Variants in PCED1B observed in about 807,000 individuals in gnomAD.
PCED1B encodes the protein PC-esterase domain-containing protein 1B.
For missense variants in PCED1B, 573 were observed against 573.9 expected, an observed-to-expected ratio of 1.00 and a Z score of 0.02; for synonymous variants, 251 against 246.1, an observed-to-expected ratio of 1.02 and a Z score of -0.19.
At chr12:47,210,536 C>T (rs1943044927) in intron 2 of PCED1B, 1 of 152,158 alleles carries the variant, frequency 6.6e-6, no homozygotes, top group African/African-American at 2.4e-5. Flanking sequence ...GAGGCTGAAG[C>T]AGGTAGATCA....
At position 47,085,186 on chromosome 12, in the gene PCED1B, C is replaced by T. The variant is rs576103883; in HGVS notation, c.-609+5461C>T. 6.6e-4 allele frequency among the ~76,000 whole-genome samples: 100 copies of T among 152,304 alleles called. 2 individuals are homozygous for T. Among genetic ancestry groups the T allele is most frequent in the African/African-American group, 2.2e-3 (92 of 41,568 alleles). On this transcript the variant is annotated intron_variant, in intron 1 of 3. Transcript: ENST00000546455. ...ACCCATTTAACCTCTCCAGGAACCT[C>T]AAGAGTTAATTGAGGATGTAACAAT...
At chr12:47,144,209 G>T (rs4768776) in intron 2 of PCED1B, among the ~76,000 whole-genome samples, 1 of 151,970 alleles carries the variant, frequency 6.6e-6, no homozygotes, top group Non-Finnish European at 1.5e-5. Flanking sequence ...CACAGCTAAG[G>T]CAGCCGAGGA....
At chr12:47,086,689 G>A (rs904369060) in intron 1 of PCED1B, among the ~76,000 whole-genome samples, 1 of 152,114 alleles carries the variant, frequency 6.6e-6, no homozygotes, top group Non-Finnish European at 1.5e-5. Flanking sequence ...TAAATGGCAG[G>A]TGCTCTAGTT....
chr12:47,204,877 C>G (rs150266561), intron 2 of PCED1B, among the ~76,000 whole-genome samples: 6 of 152,088 alleles, frequency 3.9e-5, no homozygotes. Context: ...CAGTTGCCTC[C>G]GTAATCATTT....
chr12:47,119,962 T>C (rs1939604653), intron 2 of PCED1B, among the ~76,000 whole-genome samples: 1 of 132,630 alleles, frequency 7.5e-6, no homozygotes, highest in Non-Finnish European at 1.6e-5. Flanking sequence ...TGAGACTCTG[T>C]CTCCATAATA....
In PCED1B at chr12:47,236,524, A is replaced by T; in HGVS notation, c.*162A>T. The T allele has an allele frequency of 1.4e-6, 1 of 737,680 alleles. No individual in the cohort carries two copies. Among genetic ancestry groups the T allele is most frequent in the East Asian group, 2.9e-5 (1 of 34,234 alleles). The allele number at this position is 737,680 out of a possible 1,614,324, so 45.7% of individuals were successfully genotyped here. A position where few individuals can be genotyped will look rare whatever the true frequency, so the allele number is the denominator to read the frequency against. ...GCTGTTACCAAGAAAGCCAAGGAAG[A>T]GCAGCCTGACTCATTCTTCTTGGCT... is the stretch of plus-strand genomic sequence containing the variant. On this transcript the variant is annotated 3_prime_UTR_variant, in exon 4 of 4. Transcript: ENST00000546455.
chr12:47,093,355 ATTTGT>A (rs1333171412), intron 1 of PCED1B, among the ~76,000 whole-genome samples: 1 of 149,912 alleles, frequency 6.7e-6, no homozygotes, highest in African/African-American at 2.5e-5. Context: ...GTTGTTGCGA[ATTTGT>A]TTTGTCTATT....
In PCED1B at chr12:47,108,188, G is replaced by C. The variant is rs193011513; in HGVS notation, c.-526+3993G>C. 9.2e-5 allele frequency among the ~76,000 whole-genome samples: 14 copies of C among 152,276 alleles called. No individual in the cohort carries two copies. In the East Asian group the frequency reaches 2.7e-3, roughly 29 times the overall value. On this transcript the variant is annotated intron_variant, in intron 2 of 3. Transcript: ENST00000546455. ...AGGTGAGTAAGCATTGCTTTTTCCA[G>C]TTGGATAACCCTGAGATCTGCTGCT... is the stretch of plus-strand genomic sequence containing the variant.
At chr12:47,149,955 C>A (rs995569859) in intron 2 of PCED1B, among the ~76,000 whole-genome samples, 3 of 152,046 alleles carry the variant, frequency 2.0e-5, no homozygotes, top group African/African-American at 7.2e-5. Flanking sequence ...TTTAACCCAT[C>A]CCCTCAAGCA....
intron 2 of PCED1B, among the ~76,000 whole-genome samples, chr12:47,146,484 G>A (rs541602490): frequency 7.5e-4 from 114 of 152,242 alleles, no homozygotes; most frequent in African/African-American, 2.7e-3. Context: ...TTCATGAAAG[G>A]AAGAGTTAAT....
intron 1 of PCED1B, among the ~76,000 whole-genome samples, chr12:47,102,078 CT>C (rs1165865988): frequency 2.0e-5 from 3 of 152,186 alleles, no homozygotes; most frequent in Non-Finnish European, 4.4e-5. Context: ...AACTAAATTG[CT>C]TTTACCAAAT....
rs372792058 is a variant in PCED1B at position 47,235,906 on chromosome 12, C to T, written c.843C>T (p.Ala281=). 1 of 1,606,000 alleles carries T rather than the reference C, an allele frequency of 6.2e-7. No homozygotes were observed. The change falls in exon 4 of 4, where the codon GCC becomes GCT. Residue 281 remains alanine (A), a synonymous_variant. Transcript: ENST00000546455. Reference sequence around the variant, plus strand: ...CGAGAGTCGAAGGGCCGCCCCAGGCCAACAGAAATCACCCGGCCTTACCTC... The same window carrying T: ...CGAGAGTCGAAGGGCCGCCCCAGGCTAACAGAAATCACCCGGCCTTACCTC... The part of the protein sequence containing the change: ...PGPRVEGPPQ[A]NRNHPALPLS...
chr12:47,089,038 C>G (rs1404428885), intron 1 of PCED1B, among the ~76,000 whole-genome samples: 1 of 152,114 alleles, frequency 6.6e-6, no homozygotes, highest in Non-Finnish European at 1.5e-5. Context: ...GCAATAGGGT[C>G]TTCAGACAGG....
intron 2 of PCED1B, chr12:47,187,701 A>C (rs536179229): frequency 6.5e-6 from 1 of 152,978 alleles, no homozygotes; most frequent in South Asian, 2.1e-4. Context: ...CCAACTCTGC[A>C]AGTTCTAGAA....
chr12:47,084,451 A>C (rs1937886437), intron 1 of PCED1B, among the ~76,000 whole-genome samples: 1 of 152,240 alleles, frequency 6.6e-6, no homozygotes, highest in Non-Finnish European at 1.5e-5. Context: ...TCCTATGCCC[A>C]TTAAGCAGTT....
At chr12:47,111,146 C>T (rs117397757) in intron 2 of PCED1B, among the ~76,000 whole-genome samples, 2 of 152,258 alleles carry the variant, frequency 1.3e-5, no homozygotes, top group Non-Finnish European at 2.9e-5. Flanking sequence ...CTATGACTCT[C>T]ATGTTTCAAG....
At chr12:47,233,837 G>C (rs1342978442) in intron 3 of PCED1B, among the ~76,000 whole-genome samples, 1 of 152,040 alleles carries the variant, frequency 6.6e-6, no homozygotes, top group Non-Finnish European at 1.5e-5. Context: ...GCATATTCCG[G>C]TTCTCTTCAA....
At chr12:47,217,689 G>A (rs1017760819) in intron 3 of PCED1B, among the ~76,000 whole-genome samples, 2 of 152,012 alleles carry the variant, frequency 1.3e-5, no homozygotes, top group Non-Finnish European at 2.9e-5. Context: ...CAATTCTTGT[G>A]CCTCAGCCTC....
intron 3 of PCED1B, among the ~76,000 whole-genome samples, chr12:47,226,278 C>G (rs1015002642): frequency 6.6e-6 from 1 of 152,224 alleles, no homozygotes; most frequent in African/African-American, 2.4e-5. Flanking sequence ...TGGCTTGATT[C>G]TTCCAACAGT....
Sources: allele counts gnomAD v4.1 joint callset (sites outside exome capture counted in the v4.1 genomes callset), GRCh38; gene constraint gnomAD v4.1.1; transcripts MANE v1.5; gene names NCBI Gene and HGNC (gene_info 2026-07-23, HGNC 2026-07-21).